CCDC38: variants seen among roughly 807,000 people sequenced by gnomAD.
The protein encoded by CCDC38 is coiled-coil domain-containing protein 38.
Under a neutral mutation model 72.8 loss-of-function variants are expected in CCDC38, and 69 were observed. The observed-to-expected ratio is 0.95, with a 90% CI of 0.78 to 1.16. The LOEUF is 1.16. Ranked by LOEUF, CCDC38 falls within the 50% of genes most tolerant of loss-of-function variation. The probability of loss-of-function intolerance (pLI) is 0.00; values close to 1 mark genes in which losing one functional copy is unlikely to be tolerated. For missense variants in CCDC38, 626 were observed against 638.9 expected (o/e 0.98, Z 0.22); for synonymous variants, 201 against 213.2 (o/e 0.94, Z 0.50).
Position 95,894,970 on chromosome 12 carries a change from T to C in CCDC38, c.772+19A>G, listed in dbSNP as rs541182875. On this transcript the variant is annotated intron_variant, in intron 8 of 15. Coordinates refer to ENST00000344280, the MANE Select transcript of CCDC38 (RefSeq NM_182496.3). ...GTTAGGGATATTTAGTTCATGAAAGTTGAGTATAAGTAACTTACTTGCTAA... is the reference window on the plus strand; with the variant it reads ...GTTAGGGATATTTAGTTCATGAAAGCTGAGTATAAGTAACTTACTTGCTAA... 40 of 1,577,884 alleles carry C rather than the reference T, an allele frequency of 2.5e-5. No homozygotes were observed. In the South Asian group the frequency reaches 3.8e-4, roughly 15 times the overall value.
At chr12:95,870,951 C>T (rs1046522907) in intron 14 of CCDC38, among the ~76,000 whole-genome samples, 3 of 152,162 alleles carry the variant, frequency 2.0e-5, no homozygotes, top group Non-Finnish European at 4.4e-5. Flanking sequence ...GTATTACTCC[C>T]GTTTTACGGA....
intron 4 of CCDC38, among the ~76,000 whole-genome samples, chr12:95,909,773 C>A (rs553003501): frequency 6.6e-6 from 1 of 152,206 alleles, no homozygotes; most frequent in South Asian, 2.1e-4. Context: ...ATGTGATTCA[C>A]CACATAAACA....
intron 5 of CCDC38, among the ~76,000 whole-genome samples, chr12:95,902,471 T>C (rs550518394): frequency 1.3e-5 from 2 of 152,336 alleles, no homozygotes; most frequent in African/African-American, 2.4e-5. Context: ...GAAATTATAG[T>C]ATGAACTATT....
At chr12:95,887,128 T>C (rs1032931361) in intron 10 of CCDC38, among the ~76,000 whole-genome samples, 2 of 152,122 alleles carry the variant, frequency 1.3e-5, no homozygotes, top group Non-Finnish European at 2.9e-5. Context: ...GAGGTTGCAG[T>C]GAGCAGAGAC....
chr12:95,881,539 G>T lies in CCDC38; in HGVS notation c.936C>A (p.Phe312Leu). 6.2e-7 allele frequency: 1 copy of T among 1,607,588 alleles called. No individual in the cohort carries two copies. The highest frequency in any genetic ancestry group is 1.1e-5 in the South Asian group (1 of 90,000). ...EKKKSNLAES[F>L]GSEDSLEFLL... ...GGAATTCCAAACTGTCTTCTGAACC[G>T]AAACTTTCAGCCAGGCTGTAAAAGA... Residue 312 changes from phenylalanine to leucine, a missense_variant, in exon 11 of 16, where the codon TTC becomes TTA. Physicochemically the swap from Phe to Leu is conservative, Grantham distance 22 (BLOSUM62 0). Transcript: ENST00000344280.
intron 2 of CCDC38, among the ~76,000 whole-genome samples, chr12:95,925,232 G>C (rs1462358704): frequency 6.6e-6 from 1 of 152,088 alleles, no homozygotes; most frequent in Non-Finnish European, 1.5e-5. Flanking sequence ...GTGGTTTGTA[G>C]TTCTCCTTGA....
chr12:95,874,486 C>T lies in CCDC38; in HGVS notation c.1279-2026G>A, dbSNP rs1330352009. Among the ~76,000 whole-genome samples, 3 of 151,554 alleles carry T rather than the reference C, an allele frequency of 2.0e-5. No homozygotes were observed. In the East Asian group the frequency reaches 5.8e-4, roughly 29 times the overall value. On this transcript the variant is annotated intron_variant, in intron 13 of 15. Transcript: ENST00000344280. ...TTTTCTTAATATAACAAGGTAAGAA[C>T]AAGAGATAGAGAAGAATGAGATGAA... is the stretch of plus-strand genomic sequence containing the variant.
At chr12:95,906,627 A>T (rs1391540310) in intron 4 of CCDC38, among the ~76,000 whole-genome samples, 176 bp from the exon 5 acceptor site, 3 of 152,172 alleles carry the variant, frequency 2.0e-5, no homozygotes, top group African/African-American at 7.2e-5. Context: ...TAGTAATTAC[A>T]ATTTATTTTA....
At chr12:95,895,838 A>T (rs1239747020) in intron 7 of CCDC38, among the ~76,000 whole-genome samples, 2 of 151,036 alleles carry the variant, frequency 1.3e-5, no homozygotes, top group African/African-American at 4.9e-5. Flanking sequence ...AGGGCAGATC[A>T]TGAGGTCAAG....
At chr12:95,904,379 G>A (rs1054944121) in intron 5 of CCDC38, among the ~76,000 whole-genome samples, 4 of 152,170 alleles carry the variant, frequency 2.6e-5, no homozygotes, top group Non-Finnish European at 5.9e-5. Flanking sequence ...AAGTTTGAGG[G>A]GTTCCCCCAA....
intron 2 of CCDC38, among the ~76,000 whole-genome samples, chr12:95,925,449 A>G (rs1260184913): frequency 1.3e-5 from 2 of 152,184 alleles, no homozygotes; most frequent in African/African-American, 4.8e-5. Context: ...GGCTGAGACG[A>G]TGGGGTTTTC....
chr12:95,908,125 T>C lies in CCDC38; in HGVS notation c.305-1674A>G, dbSNP rs555724806. Among the ~76,000 whole-genome samples the C allele has an allele frequency of 1.8e-4, 27 of 151,764 alleles. No homozygotes were observed. The South Asian group carries it at 5.6e-3, about 32-fold the overall frequency. On this transcript the variant is annotated intron_variant, in intron 4 of 15. Transcript: ENST00000344280. ...CCAAGGCAGGCTGCCGGGAGGTGGA[T>C]GTTGTAGGGAGCCGAGATCACGCCA...
intron 1 of CCDC38, among the ~76,000 whole-genome samples, chr12:95,940,231 G>A (rs1347544): frequency 0.027 from 4,146 of 152,252 alleles, 194 homozygotes; most frequent in African/African-American, 0.094. Context: ...TTGAAACCTG[G>A]TCATTGGAGA....
At chr12:95,929,504 G>A (rs904273675) in intron 2 of CCDC38, among the ~76,000 whole-genome samples, 8 of 152,166 alleles carry the variant, frequency 5.3e-5, no homozygotes, top group South Asian at 2.1e-4. Context: ...TGTCTTCTGC[G>A]TTGCTCACGC....
At chr12:95,920,773 G>A (rs2080196306) in intron 2 of CCDC38, among the ~76,000 whole-genome samples, 1 of 152,028 alleles carries the variant, frequency 6.6e-6, no homozygotes, top group Non-Finnish European at 1.5e-5. Context: ...TCTAAAATTG[G>A]CTGTAGTGAT....
Position 95,917,054 on chromosome 12 carries a change from TC to T in CCDC38, c.304+74del. On this transcript the variant is annotated intron_variant, in intron 4 of 15. Coordinates refer to ENST00000344280, the MANE Select transcript of CCDC38 (RefSeq NM_182496.3). ...AGCATACTGTCTGTTTTAATCACCC[TC>T]CAACAAAGCTCCCAAACCTGACATT... 7 of 1,248,018 alleles carry T rather than the reference TC, an allele frequency of 5.6e-6. No individual in the cohort carries two copies. The South Asian group carries it at 1.2e-4, about 21-fold the overall frequency. 77.3% of individuals were successfully genotyped at this position (1,248,018 alleles called of 1,614,324 possible).
chr12:95,895,217 A>G (rs2079873696), intron 7 of CCDC38, 71 bp from the exon 8 acceptor site: 1 of 1,141,894 alleles, frequency 8.8e-7, no homozygotes, highest in Admixed American at 2.7e-5. Flanking sequence ...AAAAATTTTT[A>G]TAAAATTGTT....
In CCDC38 at chr12:95,879,739, C is replaced by T. The variant is rs758837622; in HGVS notation, c.1047G>A (p.Leu349=). Residue 349 remains leucine (L), a synonymous_variant, in exon 12 of 16, where the codon CTG becomes CTA. Coordinates refer to ENST00000344280, the MANE Select transcript of CCDC38 (RefSeq NM_182496.3). This position sits in a 1 kb window ranked among gnomAD's most constrained non-coding sequence, Gnocchi z 5.5. ...PEELLQVLRE[L]EEQNLTLFQY... ...GAAACAAAGTAAGATTCTGCTCTTC[C>T]AGCTCTCTGAGGACTTGAAGTAACT... 2.5e-6 allele frequency: 4 copies of T among 1,612,026 alleles called. No homozygotes were observed. The highest frequency in any genetic ancestry group is 1.7e-5 in the Admixed American group (1 of 59,982).
chr12:95,889,033 C>CA (rs761870084), intron 9 of CCDC38: 3 of 85,066 alleles, frequency 3.5e-5, no homozygotes, highest in Non-Finnish European at 4.2e-5. Flanking sequence ...ATTGTCTCAG[C>CA]TTTTTTTTTT....
Sources: allele counts gnomAD v4.1 joint callset (sites outside exome capture counted in the v4.1 genomes callset), GRCh38; gene constraint gnomAD v4.1.1; non-coding constraint Gnocchi (gnomAD v3.1); transcripts MANE v1.5; gene names NCBI Gene and HGNC (gene_info 2026-07-23, HGNC 2026-07-21).